UNC13C: variants seen among roughly 807,000 people sequenced by gnomAD.
UNC13C encodes unc-13 homolog C, also known as protein unc-13 homolog C.
A neutral mutation model predicts 245.4 loss-of-function variants in UNC13C; 174 were observed. The ratio of observed to expected loss-of-function variants is 0.71; its 90% CI spans 0.63 to 0.80. UNC13C has a LOEUF of 0.80. Among genes scored for constraint, UNC13C ranks in the 30% least tolerant of loss-of-function variants. The pLI is 0.00. For synonymous variants in UNC13C, 992 were observed against 895.1 expected, an observed-to-expected ratio of 1.11 and a Z score of -1.93; for missense variants, 2,829 against 2,602.9, an observed-to-expected ratio of 1.09 and a Z score of -1.89.
At chr15:54,459,825 T>G (rs919982785) in intron 19 of UNC13C, among the ~76,000 whole-genome samples, 2 of 152,176 alleles carry the variant, frequency 1.3e-5, no homozygotes, top group Non-Finnish European at 2.9e-5. Context: ...TTTGAGTTAC[T>G]TTTCACCTTT....
chr15:54,038,919 G>C (rs144743872), intron 2 of UNC13C, among the ~76,000 whole-genome samples: 3 of 152,114 alleles, frequency 2.0e-5, no homozygotes, highest in South Asian at 4.2e-4. Context: ...TAGCCTCTCT[G>C]TGGTAAATTC....
chr15:54,540,392 C>T (rs1420061022), intron 26 of UNC13C, among the ~76,000 whole-genome samples: 1 of 151,926 alleles, frequency 6.6e-6, no homozygotes, highest in Non-Finnish European at 1.5e-5. Flanking sequence ...ATACACATGG[C>T]ATTTGAAAAT....
At chr15:54,384,072 G>A (rs1310179984) in intron 17 of UNC13C, among the ~76,000 whole-genome samples, 1 of 152,056 alleles carries the variant, frequency 6.6e-6, no homozygotes, top group Non-Finnish European at 1.5e-5. Context: ...TTATTGAAAT[G>A]ACCATACTAC....
intron 4 of UNC13C, among the ~76,000 whole-genome samples, chr15:54,154,449 G>T (rs1213138111): frequency 6.6e-6 from 1 of 152,092 alleles, no homozygotes; most frequent in Non-Finnish European, 1.5e-5. Flanking sequence ...ATGTCTAAAA[G>T]ATCTTAGCAT....
At chr15:54,335,074 C>T (rs1325067814) in intron 16 of UNC13C, among the ~76,000 whole-genome samples, 2 of 152,034 alleles carry the variant, frequency 1.3e-5, no homozygotes, top group Non-Finnish European at 2.9e-5. Flanking sequence ...TTGTATGTGT[C>T]CATATATTCT....
At position 54,237,602 on chromosome 15, in the gene UNC13C, A is replaced by C; in HGVS notation, c.3157-17A>C. The C allele has an allele frequency of 6.2e-7, 1 of 1,603,736 alleles. No homozygotes were observed. The highest frequency in any genetic ancestry group is 8.5e-7 in the Non-Finnish European group (1 of 1,173,614). On this transcript the variant is annotated splice_polypyrimidine_tract_variant and intron_variant, in intron 6 of 32. Transcript: ENST00000260323. The stretch of plus-strand genomic sequence containing the variant: ...ACCTCCCTATGTATTAATAAGTCAT[A>C]ATTCTGTTTGTTTTAGACCCTGGCT...
chr15:54,169,010 G>A (rs1292714606), intron 4 of UNC13C, among the ~76,000 whole-genome samples: 1 of 152,174 alleles, frequency 6.6e-6, no homozygotes, highest in Non-Finnish European at 1.5e-5. Flanking sequence ...AACTCAGTTG[G>A]ACAAGTGTAA....
At chr15:54,405,081 C>T (rs1197517776) in intron 18 of UNC13C, among the ~76,000 whole-genome samples, 1 of 152,096 alleles carries the variant, frequency 6.6e-6, no homozygotes, top group Non-Finnish European at 1.5e-5. Flanking sequence ...CAGCAGGAAA[C>T]ATTTATTGAG....
At chr15:54,234,968 AT>A in intron 4 of UNC13C, 61 bp from the exon 5 acceptor site, 1 of 1,412,254 alleles carries the variant, frequency 7.1e-7, no homozygotes, top group Non-Finnish European at 1.0e-6. Flanking sequence ...TGAACAGTGG[AT>A]GTTTTTCTTA....
chr15:54,048,727 C>A, intron 2 of UNC13C: 1 of 280,800 alleles, frequency 3.6e-6, no homozygotes. Context: ...GAACTGCCTC[C>A]ATATTCAGGG....
chr15:53,927,796 T>C, the UNC13C span, among the ~76,000 whole-genome samples: 1 of 152,146 alleles, frequency 6.6e-6, no homozygotes, highest in African/African-American at 2.4e-5. Flanking sequence ...GTAGATGGTT[T>C]TGCTTCCTTT....
Position 54,015,247 on chromosome 15 carries a change from C to T in UNC13C, c.2344C>T (p.Arg782Ter), listed in dbSNP as rs1220645023. 2.5e-6 allele frequency: 4 copies of T among 1,613,196 alleles called. No individual in the cohort carries two copies. Among genetic ancestry groups the T allele is most frequent in the South Asian group, 1.1e-5 (1 of 90,962 alleles). The change falls in exon 2 of 33, where the codon CGA (arginine) becomes TGA (stop). Residue 782 changes from arginine to a stop codon, truncating the protein, a stop_gained. Coordinates refer to ENST00000260323, the MANE Select transcript of UNC13C (RefSeq NM_001080534.3). LOFTEE classifies it high-confidence loss of function. Reference sequence around the variant, plus strand: ...TGCCCCACCCAAATCATGGCATAGTCGATTAAGCATTGACCTTTCTGATAA... The same window carrying T: ...TGCCCCACCCAAATCATGGCATAGTTGATTAAGCATTGACCTTTCTGATAA... ...EDAPPKSWHS[R>*]LSIDLSDKTF...
At chr15:54,566,841 AT>A (rs1897537184) in intron 29 of UNC13C, among the ~76,000 whole-genome samples, 1 of 152,062 alleles carries the variant, frequency 6.6e-6, no homozygotes, top group African/African-American at 2.4e-5. Flanking sequence ...TCTCTGAATA[AT>A]TTCTTGAGCT....
chr15:54,122,740 G>T (rs77006594), intron 2 of UNC13C, among the ~76,000 whole-genome samples: 3,662 of 152,080 alleles, frequency 0.024, 149 homozygotes, highest in African/African-American at 0.08. Flanking sequence ...GTACAATTTT[G>T]CATCTAGCTT....
At chr15:54,433,512 G>C (rs1026913295) in intron 19 of UNC13C, among the ~76,000 whole-genome samples, 1 of 151,892 alleles carries the variant, frequency 6.6e-6, no homozygotes, top group Non-Finnish European at 1.5e-5. Flanking sequence ...ATGCAGAAAA[G>C]GACTTCAATA....
At chr15:53,898,978 C>A in the UNC13C span, among the ~76,000 whole-genome samples, 3 of 152,030 alleles carry the variant, frequency 2.0e-5, no homozygotes, top group Non-Finnish European at 2.9e-5. Flanking sequence ...AACTGTCCCC[C>A]ACACCATGCT....
At chr15:54,296,508 G>A (rs2037440013) in intron 11 of UNC13C, among the ~76,000 whole-genome samples, 1 of 151,446 alleles carries the variant, frequency 6.6e-6, no homozygotes, top group South Asian at 2.1e-4. Context: ...GTGAGCCATC[G>A]CGCCGGGCCC....
chr15:54,013,043 C>A lies in UNC13C; in HGVS notation c.140C>A (p.Ala47Asp), dbSNP rs776205447. The A allele has an allele frequency of 6.2e-7, 1 of 1,613,892 alleles. No individual in the cohort carries two copies. The highest frequency in any genetic ancestry group is 8.5e-7 in the Non-Finnish European group (1 of 1,179,852). Residue 47 changes from alanine to aspartate, a missense_variant, in exon 2 of 33, where the codon GCT becomes GAT. Physicochemically the swap from Ala to Asp is moderately radical, Grantham distance 126 (BLOSUM62 -2). Coordinates refer to ENST00000260323, the MANE Select transcript of UNC13C (RefSeq NM_001080534.3). ...AAAAAGGATCAAGACTTCCCCACTG[C>A]TGGCCAGACCAAATCCCCCAAATTT... ...QQKKDQDFPT[A>D]GQTKSPKFSY...
intron 19 of UNC13C, among the ~76,000 whole-genome samples, chr15:54,488,759 AT>A (rs1203411334): frequency 6.6e-6 from 1 of 152,174 alleles, no homozygotes; most frequent in Middle Eastern, 3.2e-3. Context: ...GTAGTAAAAT[AT>A]TCACATTTCT....
Sources: allele counts gnomAD v4.1 joint callset (sites outside exome capture counted in the v4.1 genomes callset), GRCh38; gene constraint gnomAD v4.1.1; transcripts MANE v1.5; gene names NCBI Gene and HGNC (gene_info 2026-07-23, HGNC 2026-07-21).